NAV3: variants seen among roughly 807,000 people sequenced by gnomAD.
NAV3 encodes neuron navigator 3.
Under a neutral mutation model 244.7 loss-of-function variants are expected in NAV3, and 87 were observed. The ratio of observed to expected loss-of-function variants is 0.36; its 90% CI spans 0.30 to 0.42. The LOEUF (loss-of-function observed/expected upper bound fraction) is 0.42. Among genes scored for constraint, NAV3 ranks in the 20% least tolerant of loss-of-function variants. The pLI, the probability that NAV3 is intolerant of heterozygous loss-of-function variation, is 1.00. For missense variants in NAV3, 2,663 were observed against 2,893.3 expected, an observed-to-expected ratio of 0.92 and a Z score of 1.83; for synonymous variants, 1,126 against 1,042.2, an observed-to-expected ratio of 1.08 and a Z score of -1.55.
chr12:77,650,353 A>G (rs1872770093), intron 2 of NAV3, among the ~76,000 whole-genome samples: 2 of 152,258 alleles, frequency 1.3e-5, no homozygotes, highest in South Asian at 4.1e-4. Flanking sequence ...TTCCCTAAAG[A>G]TCAGTATTTA....
At chr12:77,760,436 A>C (rs1307788270) in intron 2 of NAV3, among the ~76,000 whole-genome samples, 1 of 152,202 alleles carries the variant, frequency 6.6e-6, no homozygotes, top group Admixed American at 6.5e-5. Context: ...AAGCTGCATT[A>C]GCATCTCTAA....
At chr12:77,856,100 C>T (rs947236210) in intron 1 of NAV3, among the ~76,000 whole-genome samples, 2 of 151,874 alleles carry the variant, frequency 1.3e-5, no homozygotes, top group African/African-American at 2.4e-5. Context: ...TTTTAAGAAA[C>T]GTTCTTTATT....
intron 3 of NAV3, among the ~76,000 whole-genome samples, chr12:77,962,667 G>A (rs1417800113): frequency 6.6e-6 from 1 of 152,058 alleles, no homozygotes; most frequent in Admixed American, 6.6e-5. Flanking sequence ...ATGTAGGCAT[G>A]GCAATGCTCT....
chr12:77,889,608 A>G (rs373100510), intron 1 of NAV3, among the ~76,000 whole-genome samples: 5 of 152,322 alleles, frequency 3.3e-5, no homozygotes, highest in South Asian at 2.1e-4. Flanking sequence ...ACTGAACTCT[A>G]TAAGTTGTTA....
intron 2 of NAV3, among the ~76,000 whole-genome samples, chr12:77,684,995 C>T (rs1026943317): frequency 2.6e-5 from 4 of 152,138 alleles, no homozygotes; most frequent in African/African-American, 9.7e-5. Flanking sequence ...TTGGTCTATT[C>T]ATGTATCCTA....
At chr12:77,998,607 C>T (rs1872740741) in intron 7 of NAV3, 131 bp downstream of exon 7, 2 of 906,142 alleles carry the variant, frequency 2.2e-6, no homozygotes, top group Non-Finnish European at 3.2e-6. Context: ...TTTATGTTTC[C>T]TAACTGTCCC....
At chr12:77,910,307 G>A (rs1295751715) in intron 1 of NAV3, among the ~76,000 whole-genome samples, 13 of 151,962 alleles carry the variant, frequency 8.6e-5, no homozygotes, top group Non-Finnish European at 4.4e-5. Flanking sequence ...GAAAGAGGGA[G>A]CAAGAGAGAG....
intron 1 of NAV3, among the ~76,000 whole-genome samples, chr12:77,832,263 C>T (rs187219454): frequency 2.3e-3 from 355 of 152,186 alleles, no homozygotes; most frequent in Non-Finnish European, 3.0e-3. Context: ...TAAACTGAAA[C>T]GCTACTCTTT....
At chr12:77,883,185 C>A (rs1318839848) in intron 1 of NAV3, among the ~76,000 whole-genome samples, 1 of 152,058 alleles carries the variant, frequency 6.6e-6, no homozygotes, top group Non-Finnish European at 1.5e-5. Flanking sequence ...TAGAGGGAAC[C>A]TAAGAACACA....
intron 2 of NAV3, among the ~76,000 whole-genome samples, chr12:77,803,902 G>GT (rs1431377543): frequency 6.6e-6 from 1 of 152,082 alleles, no homozygotes; most frequent in African/African-American, 2.4e-5. Context: ...CTTTTCATAT[G>GT]TTTTTTGGCC....
In NAV3 at chr12:78,019,778, C is replaced by T. The variant is rs146500711; in HGVS notation, c.1908-1969C>T. On this transcript the variant is annotated intron_variant, in intron 8 of 39. Coordinates refer to ENST00000397909, the MANE Select transcript of NAV3 (RefSeq NM_001024383.2). The stretch of plus-strand genomic sequence containing the variant: ...CTGGAGACCATCATCCCATAGGTTG[C>T]GTGGGACCCAACCATGCAAGACCTT... Among the ~76,000 whole-genome samples the T allele has an allele frequency of 2.7e-4, 41 of 152,142 alleles. No individual in the cohort carries two copies. In the East Asian group the frequency reaches 3.5e-3, roughly 13 times the overall value.
At chr12:78,177,809 T>G in intron 28 of NAV3, 124 bp downstream of exon 28, 8 of 861,538 alleles carry the variant, frequency 9.3e-6, no homozygotes, top group Non-Finnish European at 1.2e-5. Context: ...TCTTTCTGTT[T>G]TTTCAACTAA....
chr12:78,114,121 C>A (rs530936995), intron 12 of NAV3, among the ~76,000 whole-genome samples: 22 of 152,340 alleles, frequency 1.4e-4, no homozygotes, highest in African/African-American at 5.3e-4. Context: ...ACAAGTTCCT[C>A]ATCTCCATCT....
chr12:77,626,736 A>G (rs1164681440), intron 2 of NAV3, among the ~76,000 whole-genome samples: 1 of 152,166 alleles, frequency 6.6e-6, no homozygotes, highest in Non-Finnish European at 1.5e-5. Context: ...CTGTATAAAT[A>G]AAGTCTTCCC....
intron 12 of NAV3, among the ~76,000 whole-genome samples, chr12:78,068,513 C>G (rs1454086992): frequency 6.7e-6 from 1 of 150,092 alleles, no homozygotes; most frequent in African/African-American, 2.4e-5. Flanking sequence ...GGTGACAGAA[C>G]AGTCATTTCA....
intron 5 of NAV3, among the ~76,000 whole-genome samples, chr12:77,987,684 C>T (rs747202113): frequency 2.6e-5 from 4 of 151,930 alleles, no homozygotes; most frequent in Non-Finnish European, 4.4e-5. Flanking sequence ...TAATTCCTGC[C>T]CTGGAGAACA....
chr12:77,717,445 A>T (rs1040058018), intron 2 of NAV3, among the ~76,000 whole-genome samples: 2 of 152,144 alleles, frequency 1.3e-5, no homozygotes, highest in Non-Finnish European at 2.9e-5. Context: ...ATAGCATATT[A>T]TAGAATTTCC....
In NAV3 at chr12:77,782,412, T is replaced by C. The variant is rs117213777; in HGVS notation, c.73-157907T>C. 7.8e-4 allele frequency among the ~76,000 whole-genome samples: 118 copies of C among 152,100 alleles called. 3 individuals are homozygous for C. In the East Asian group the frequency reaches 0.021, roughly 27 times the overall value. On this transcript the variant is annotated intron_variant, in intron 2 of 8. Transcript: ENST00000550042. ...TTTCTTTTAAAAAATTAAAAATGGA[T>C]TAGACCACATAATAACCATGATCAC... is the stretch of plus-strand genomic sequence containing the variant.
At chr12:78,103,306 G>A (rs561872024) in intron 12 of NAV3, among the ~76,000 whole-genome samples, 5 of 152,128 alleles carry the variant, frequency 3.3e-5, no homozygotes, top group Admixed American at 6.6e-5. Flanking sequence ...AACAAGAGTC[G>A]CCTTTGCTCC....
Sources: allele counts gnomAD v4.1 joint callset (sites outside exome capture counted in the v4.1 genomes callset), GRCh38; gene constraint gnomAD v4.1.1; transcripts MANE v1.5; gene names NCBI Gene and HGNC (gene_info 2026-07-23, HGNC 2026-07-21).